MCUB: variants seen among roughly 807,000 people sequenced by gnomAD.
MCUB encodes the protein mitochondrial calcium uniporter dominant negative subunit beta.
Under a neutral mutation model 41.4 loss-of-function variants are expected in MCUB, and 46 were observed. The ratio of observed to expected loss-of-function variants is 1.11; its 90% CI spans 0.88 to 1.42. MCUB has a LOEUF of 1.42. MCUB is among the 40% of genes most tolerant of loss of function. The pLI is 0.00. For missense variants in MCUB, 403 were observed against 404.9 expected, an observed-to-expected ratio of 1.00 and a Z score of 0.04; for synonymous variants, 148 against 148.2, an observed-to-expected ratio of 1.00 and a Z score of 0.01.
chr4:109,664,183 C>T, intron 3 of MCUB, 107 bp from the exon 4 acceptor site: 1 of 672,450 alleles, frequency 1.5e-6, no homozygotes, highest in African/African-American at 1.8e-5. Context: ...AGTAAATTGT[C>T]CACTATTATA....
At chr4:109,590,393 T>C (rs997790644) in intron 1 of MCUB, among the ~76,000 whole-genome samples, 24 of 152,202 alleles carry the variant, frequency 1.6e-4, no homozygotes, top group Non-Finnish European at 3.4e-4. Flanking sequence ...CTAAATCCAA[T>C]GCCATTTCCG....
intron 1 of MCUB, among the ~76,000 whole-genome samples, chr4:109,564,083 T>C (rs1410728736): frequency 6.6e-6 from 1 of 152,174 alleles, no homozygotes; most frequent in Non-Finnish European, 1.5e-5. Flanking sequence ...TGAGATTCAA[T>C]GTTTTATGTC....
intron 1 of MCUB, among the ~76,000 whole-genome samples, chr4:109,594,876 C>T (rs117542081): frequency 4.9e-4 from 74 of 151,800 alleles, no homozygotes; most frequent in African/African-American, 1.6e-3. Context: ...GAGAGAGGCT[C>T]AGCCAGAGAG....
rs555681991 is a variant in MCUB, at chr4:109,618,807, A to G, written c.100-40204A>G. ...TGTGCTTAGAATGGTCTTTTTCTATAGAATCTTTCTTGCTTATGACTTACA... is the reference window on the plus strand; with the variant it reads ...TGTGCTTAGAATGGTCTTTTTCTATGGAATCTTTCTTGCTTATGACTTACA... On this transcript the variant is annotated intron_variant, in intron 1 of 7. Transcript: ENST00000394650. Among the ~76,000 whole-genome samples the G allele has an allele frequency of 1.6e-4, 25 of 152,336 alleles. 1 individual carries two copies. The South Asian group carries it at 5.0e-3, about 30-fold the overall frequency.
intron 1 of MCUB, among the ~76,000 whole-genome samples, chr4:109,582,838 T>G (rs1418434554): frequency 6.6e-6 from 1 of 152,236 alleles, no homozygotes; most frequent in Non-Finnish European, 1.5e-5. Flanking sequence ...CTTTCCCTAT[T>G]TCTTGTTTTT....
chr4:109,573,139 T>C (rs1726951859), intron 1 of MCUB, among the ~76,000 whole-genome samples: 1 of 152,164 alleles, frequency 6.6e-6, no homozygotes, highest in African/African-American at 2.4e-5. Context: ...AGTAAGCACA[T>C]ATTAACCATT....
chr4:109,608,604 A>G (rs1434639991), intron 1 of MCUB, among the ~76,000 whole-genome samples: 1 of 151,904 alleles, frequency 6.6e-6, no homozygotes, highest in South Asian at 2.1e-4. Context: ...CCTCCCACTC[A>G]ACCTCTTGAG....
chr4:109,599,361 T>C (rs2126130669), intron 1 of MCUB, among the ~76,000 whole-genome samples: 1 of 152,264 alleles, frequency 6.6e-6, no homozygotes, highest in Admixed American at 6.5e-5. Flanking sequence ...TTGGGAGTTA[T>C]GAAGACCACC....
intron 1 of MCUB, among the ~76,000 whole-genome samples, chr4:109,579,156 T>A (rs186689365): frequency 1.3e-5 from 2 of 152,352 alleles, no homozygotes; most frequent in East Asian, 3.9e-4. Flanking sequence ...TTTTGTACTT[T>A]AAAATGCATG....
At chr4:109,601,319 A>G (rs1183742859) in intron 1 of MCUB, among the ~76,000 whole-genome samples, 1 of 152,122 alleles carries the variant, frequency 6.6e-6, no homozygotes, top group Non-Finnish European at 1.5e-5. Flanking sequence ...CTGTTGTGCT[A>G]TCAAATACTA....
At chr4:109,644,894 T>C (rs748747414) in intron 1 of MCUB, among the ~76,000 whole-genome samples, 3 of 152,230 alleles carry the variant, frequency 2.0e-5, no homozygotes, top group Non-Finnish European at 4.4e-5. Flanking sequence ...TGGGGAATTT[T>C]TTTTCATGTT....
chr4:109,597,666 C>T (rs559917428), intron 1 of MCUB, among the ~76,000 whole-genome samples: 3 of 141,372 alleles, frequency 2.1e-5, no homozygotes, highest in Admixed American at 7.1e-5. Context: ...CCAGACCGGG[C>T]GGCTGGCCGG....
chr4:109,594,525 G>A (rs940317363), intron 1 of MCUB, among the ~76,000 whole-genome samples: 7 of 152,104 alleles, frequency 4.6e-5, no homozygotes, highest in African/African-American at 1.2e-4. Context: ...GTGTGGTGGC[G>A]CATGCCTGTT....
chr4:109,569,205 C>T (rs2126123973), intron 1 of MCUB, among the ~76,000 whole-genome samples: 1 of 151,896 alleles, frequency 6.6e-6, no homozygotes, highest in East Asian at 2.0e-4. Context: ...TGCCACCACG[C>T]CCGGCCAATT....
chr4:109,676,016 G>A (rs1378257559), intron 4 of MCUB, among the ~76,000 whole-genome samples: 1 of 152,186 alleles, frequency 6.6e-6, no homozygotes, highest in East Asian at 1.9e-4. Flanking sequence ...CAGAAAATTG[G>A]TACCAGAAGT....
At chr4:109,643,328 G>A (rs1231691522) in intron 1 of MCUB, among the ~76,000 whole-genome samples, 1 of 150,740 alleles carries the variant, frequency 6.6e-6, no homozygotes, top group Non-Finnish European at 1.5e-5. Context: ...GGGATTACAG[G>A]TGTGCACTAC....
chr4:109,591,751 T>C (rs1727441895), intron 1 of MCUB, among the ~76,000 whole-genome samples: 1 of 152,032 alleles, frequency 6.6e-6, no homozygotes, highest in Admixed American at 6.6e-5. Flanking sequence ...CAGACTGGAG[T>C]GCAGTGGCCT....
rs1434186647 is a variant in MCUB, at chr4:109,685,284, TTTCTTCAG to T, written c.857_864del (p.Gln286ProfsTer10). Reference sequence around the variant, plus strand: ...TTACTCAGCTGTTAAGAGTAGGCAATTTCTTCAGTTCTTCCACAAGAAATCAAAGCAAC... The same window carrying T: ...TTACTCAGCTGTTAAGAGTAGGCAATTTCTTCCACAAGAAATCAAAGCAAC... On this transcript the variant is annotated frameshift_variant, in exon 7 of 8. Coordinates refer to ENST00000394650, the MANE Select transcript of MCUB (RefSeq NM_017918.5). LOFTEE classifies it high-confidence loss of function. The T allele has an allele frequency of 6.4e-7, 1 of 1,562,974 alleles. No homozygotes were observed. The highest frequency in any genetic ancestry group is 8.8e-7 in the Non-Finnish European group (1 of 1,134,620).
intron 1 of MCUB, among the ~76,000 whole-genome samples, chr4:109,624,043 A>G (rs1162976623): frequency 1.3e-5 from 2 of 152,078 alleles, no homozygotes; most frequent in African/African-American, 2.4e-5. Context: ...TGTAGAGTCA[A>G]GATTTTACTA....
Sources: allele counts gnomAD v4.1 joint callset (sites outside exome capture counted in the v4.1 genomes callset), GRCh38; gene constraint gnomAD v4.1.1; transcripts MANE v1.5; gene names NCBI Gene and HGNC (gene_info 2026-07-23, HGNC 2026-07-21).